Variants in CKAP5 observed in about 807,000 individuals in gnomAD.
CKAP5 encodes cytoskeleton associated protein 5, also known as cytoskeleton-associated protein 5.
In CKAP5, 27 loss-of-function variants were observed where a neutral mutation model predicts 232.8. The observed-to-expected ratio is 0.12, with a 90% CI of 0.09 to 0.16. The LOEUF (loss-of-function observed/expected upper bound fraction) is 0.16, where lower values mean the gene tolerates loss of function less well. Among genes scored for constraint, CKAP5 ranks in the 10% least tolerant of loss-of-function variants. The pLI, the probability that CKAP5 is intolerant of heterozygous loss-of-function variation, is 1.00. For missense variants in CKAP5, 1,838 were observed against 2,424.7 expected (o/e 0.76, Z 5.08); for synonymous variants, 785 against 841.1 (o/e 0.93, Z 1.16).
chr11:46,771,693 C>G (rs1308040378), intron 24 of CKAP5, among the ~76,000 whole-genome samples: 1 of 152,190 alleles, frequency 6.6e-6, no homozygotes, highest in Non-Finnish European at 1.5e-5. Context: ...TACCCTTGAG[C>G]TATAGTCCCA....
chr11:46,771,305 C>A (rs1431328136), intron 24 of CKAP5, among the ~76,000 whole-genome samples: 1 of 152,098 alleles, frequency 6.6e-6, no homozygotes, highest in African/African-American at 2.4e-5. Context: ...GCTAGAAGAC[C>A]CAAAGCACTT....
intron 43 of CKAP5, 41 bp downstream of exon 43, chr11:46,744,385 G>T (rs1404513692): frequency 2.5e-6 from 4 of 1,613,754 alleles, no homozygotes; most frequent in Non-Finnish European, 3.4e-6. Flanking sequence ...ACCTGCTTGT[G>T]ACTACCCTCC....
At chr11:46,807,017 A>G (rs1939170995) in intron 8 of CKAP5, among the ~76,000 whole-genome samples, 1 of 152,222 alleles carries the variant, frequency 6.6e-6, no homozygotes, top group Non-Finnish European at 1.5e-5. Flanking sequence ...AATGCTGTCT[A>G]GTATTCCTAA....
intron 13 of CKAP5, among the ~76,000 whole-genome samples, chr11:46,794,938 G>A (rs1938834431): frequency 6.6e-6 from 1 of 152,182 alleles, no homozygotes; most frequent in South Asian, 2.1e-4. Context: ...GATTCATAGA[G>A]TTTCAGTGTT....
intron 31 of CKAP5, 187 bp downstream of exon 31, chr11:46,762,440 A>G (rs1213619733): frequency 1.1e-6 from 1 of 873,224 alleles, no homozygotes; most frequent in Admixed American, 1.7e-5. Context: ...GGTGATACTG[A>G]GTGGTGCCTG....
chr11:46,835,314 C>T (rs1036089318), intron 1 of CKAP5, among the ~76,000 whole-genome samples: 1 of 151,910 alleles, frequency 6.6e-6, no homozygotes, highest in African/African-American at 2.4e-5. Context: ...ACTGACACCC[C>T]ACTAGCAAGG....
At chr11:46,810,245 G>T (rs1441821560) in intron 5 of CKAP5, among the ~76,000 whole-genome samples, 1 of 152,076 alleles carries the variant, frequency 6.6e-6, no homozygotes, top group Admixed American at 6.6e-5. Flanking sequence ...ATGCTGGGAT[G>T]ACAGGTATAA....
chr11:46,832,252 GA>G (rs1048769276), intron 1 of CKAP5, among the ~76,000 whole-genome samples: 1 of 151,950 alleles, frequency 6.6e-6, no homozygotes, highest in Non-Finnish European at 1.5e-5. Flanking sequence ...TTTTCAAAGT[GA>G]AAAAAATCAC....
chr11:46,762,113 C>T lies in CKAP5; in HGVS notation c.4108G>A (p.Glu1370Lys). Residue 1370 changes from glutamate to lysine, a missense_variant, in exon 32 of 44, where the codon GAA (glutamate) becomes AAA (lysine). Physicochemically the swap from Glu to Lys is moderately conservative, Grantham distance 56 (BLOSUM62 1). Around this residue, in one of 6 missense-constraint regions of CKAP5, gnomAD observed 579 missense variants for 843.2 expected, o/e 0.69. Coordinates refer to ENST00000529230, the MANE Select transcript of CKAP5 (RefSeq NM_001008938.4). The part of the protein sequence containing the change: ...CQPTPGKALK[E>K]IAVHIGDRDN... The stretch of plus-strand genomic sequence containing the variant: ...CGGTCTCCTATGTGAACAGCTATTT[C>T]CTTTAAGGCTTTTCCTGGGGTTGGT... 1 of 1,614,122 alleles carries T rather than the reference C, an allele frequency of 6.2e-7. No individual in the cohort carries two copies. The highest frequency in any genetic ancestry group is 8.5e-7 in the Non-Finnish European group (1 of 1,179,996).
intron 1 of CKAP5, among the ~76,000 whole-genome samples, 153 bp from the exon 2 acceptor site, chr11:46,821,421 CTTTTTTT>C (rs369366613): frequency 9.5e-6 from 1 of 105,188 alleles, no homozygotes; most frequent in African/African-American, 3.7e-5. Context: ...ATTAACAGGA[CTTTTTTT>C]TTTTTTTTTT....
Position 46,760,753 on chromosome 11 carries a change from T to C in CKAP5, c.4253A>G (p.Glu1418Gly). ...TCTCTTTGCTGACCGCTTAATCCTC[T>C]CCTCGAGCATGCTCATATCCTTTTC... ...LSEKDMSMLEERIKRSAKRPS... is the reference protein window; with the variant it reads ...LSEKDMSMLEGRIKRSAKRPS... The change falls in exon 33 of 44, where the codon GAG (glutamate) becomes GGG (glycine). Residue 1418 changes from glutamate (E) to glycine (G), a missense_variant. Glu to Gly is a moderately conservative substitution (Grantham distance 98). Coordinates refer to ENST00000529230, the MANE Select transcript of CKAP5 (RefSeq NM_001008938.4). 6.2e-7 allele frequency: 1 copy of C among 1,614,180 alleles called. No homozygotes were observed. Among genetic ancestry groups the C allele is most frequent in the Non-Finnish European group, 8.5e-7 (1 of 1,180,034 alleles).
At position 46,743,784 on chromosome 11, in the gene CKAP5, C is replaced by CTGTT. The variant is rs1344200246; in HGVS notation, c.*235_*238dup. ...ACTAGACTGAGCAGAGAGGGGGCAG[C>CTGTT]TGTTTACAAGTCTGTACACTAAACT... On this transcript the variant is annotated 3_prime_UTR_variant, in exon 44 of 44. Coordinates refer to ENST00000529230, the MANE Select transcript of CKAP5 (RefSeq NM_001008938.4). The CTGTT allele has an allele frequency of 9.5e-6, 5 of 525,374 alleles. No homozygotes were observed. The highest frequency in any genetic ancestry group is 9.5e-5 in the African/African-American group (5 of 52,720). 32.5% of individuals were successfully genotyped at this position (525,374 alleles called of 1,614,324 possible). A position where few individuals can be genotyped will look rare whatever the true frequency, so the allele number is the denominator to read the frequency against.
intron 9 of CKAP5, among the ~76,000 whole-genome samples, chr11:46,798,378 C>G (rs916612126): frequency 2.0e-5 from 3 of 151,870 alleles, no homozygotes; most frequent in African/African-American, 2.4e-5. Flanking sequence ...AGTTCAAGAC[C>G]AGCCTGGGCA....
intron 35 of CKAP5, among the ~76,000 whole-genome samples, chr11:46,757,585 ATTTG>A (rs1012745363): frequency 3.3e-5 from 5 of 151,384 alleles, no homozygotes; most frequent in Non-Finnish European, 7.4e-5. Flanking sequence ...TTATTTATTT[ATTTG>A]TTTATTTTTT....
At chr11:46,813,598 T>A (rs914060746) in intron 4 of CKAP5, among the ~76,000 whole-genome samples, 66 of 152,164 alleles carry the variant, frequency 4.3e-4, no homozygotes, top group Non-Finnish European at 4.4e-5. Context: ...GAACCCAGGA[T>A]CAAGCAGTTT....
chr11:46,779,661 C>T (rs2065322193), intron 20 of CKAP5, among the ~76,000 whole-genome samples: 1 of 151,910 alleles, frequency 6.6e-6, no homozygotes, highest in South Asian at 2.1e-4. Flanking sequence ...TCTGTGTGGC[C>T]TAGGCTTGAG....
chr11:46,791,083 T>C (rs538482242), intron 13 of CKAP5, among the ~76,000 whole-genome samples: 19 of 152,170 alleles, frequency 1.2e-4, no homozygotes, highest in Non-Finnish European at 2.6e-4. Context: ...ACAGAAGCCC[T>C]GAAGACCACC....
chr11:46,824,422 C>A (rs2134696437), intron 1 of CKAP5, among the ~76,000 whole-genome samples: 1 of 152,224 alleles, frequency 6.6e-6, no homozygotes, highest in Middle Eastern at 3.4e-3. Context: ...AACTCCATTC[C>A]TAGGTGTATA....
chr11:46,800,317 G>A (rs1183054799), intron 9 of CKAP5, among the ~76,000 whole-genome samples: 2 of 152,000 alleles, frequency 1.3e-5, no homozygotes, highest in Admixed American at 6.6e-5. Context: ...AGTTCTCTGA[G>A]ATTATTTTTA....
Sources: gnomAD v4.1 joint callset for allele counts (sites outside exome capture counted in the v4.1 genomes callset) on GRCh38, gnomAD v4.1.1 for gene constraint, gnomAD v4.1.1 regional missense constraint, MANE v1.5 for transcripts, NCBI Gene and HGNC (gene_info 2026-07-23, HGNC 2026-07-21) for gene names.